SLC44A4: variants seen among roughly 807,000 people sequenced by gnomAD.
SLC44A4 encodes choline transporter-like protein 4.
A neutral mutation model predicts 97.0 loss-of-function variants in SLC44A4; 74 were observed. That is an observed-to-expected ratio of 0.76 (90% CI 0.63 to 0.93). The LOEUF (loss-of-function observed/expected upper bound fraction) is 0.93. Ranked by LOEUF, SLC44A4 falls within the 40% of genes least tolerant of loss-of-function variation. The pLI is 0.00. For missense variants in SLC44A4, 799 were observed against 902.9 expected (o/e 0.88, Z 1.48); for synonymous variants, 325 against 363.8 (o/e 0.89, Z 1.21).
rs114087269 is a variant in SLC44A4, at chr6:31,870,917, C to G, written c.832G>C (p.Glu278Gln). 1.9e-4 allele frequency: 308 copies of G among 1,613,084 alleles called. 1 individual carries two copies. In the East Asian group the frequency reaches 3.8e-3, roughly 20 times the overall value. ...TTGTCCCGCAGCACTCGGTACTCCT[C>G]CCAGCAGTAGTAGATGCCGTATGCC... ...VLAYGIYYCW[E>Q]EYRVLRDKGA... The change falls in exon 10 of 21, where the codon GAG (glutamate) becomes CAG (glutamine). Residue 278 changes from glutamate to glutamine, a missense_variant. Coordinates refer to ENST00000229729, the MANE Select transcript of SLC44A4 (RefSeq NM_025257.3).
At chr6:31,873,857 G>A (rs539401787) in intron 7 of SLC44A4, among the ~76,000 whole-genome samples, 4 of 152,058 alleles carry the variant, frequency 2.6e-5, no homozygotes, top group African/African-American at 9.6e-5. Context: ...GGTGGATCAC[G>A]AAGTTAGGAG....
At position 31,877,013 on chromosome 6, in the gene SLC44A4, G is replaced by A. The variant is rs562695529; in HGVS notation, c.89+21C>T. 12 of 1,604,012 alleles carry A rather than the reference G, an allele frequency of 7.5e-6. No homozygotes were observed. The highest frequency in any genetic ancestry group is 5.2e-5 in the Admixed American group (3 of 58,200). On this transcript the variant is annotated intron_variant, in intron 2 of 20. Transcript: ENST00000229729. This position sits in a 1 kb window ranked among gnomAD's most constrained non-coding sequence, Gnocchi z 6.5. Reference sequence around the variant, plus strand: ...GCACCCACCACCCCCGCCAGCCCCCGGAGCAGTGCCCAGAGCTCACCTGTT... The same window carrying A: ...GCACCCACCACCCCCGCCAGCCCCCAGAGCAGTGCCCAGAGCTCACCTGTT...
In SLC44A4 at chr6:31,876,144, A is replaced by T; in HGVS notation, c.90-15T>A. The T allele has an allele frequency of 6.2e-7, 1 of 1,608,756 alleles. No homozygotes were observed. The highest frequency in any genetic ancestry group is 8.5e-7 in the Non-Finnish European group (1 of 1,176,474). On this transcript the variant is annotated splice_polypyrimidine_tract_variant and intron_variant, in intron 2 of 20. Transcript: ENST00000229729. The surrounding 1 kb of genome is among the most constrained non-coding windows in gnomAD (Gnocchi z 4.8). ...CTGTGCAGCTTCTGAGAGAGAAACG[A>T]AACGGGAGGCTGAGCTAAGGAGACT... is the stretch of plus-strand genomic sequence containing the variant.
rs1762656245 is a variant in SLC44A4 at position 31,863,420 on chromosome 6, T to G, written c.*207A>C. The G allele has an allele frequency of 1.8e-6, 1 of 564,784 alleles. No homozygotes were observed. The highest frequency in any genetic ancestry group is 3.8e-5 in the East Asian group (1 of 26,428). The allele number at this position is 564,784 out of a possible 1,614,324, so 35.0% of individuals were successfully genotyped here. ...TTTGTATTTTTAATAGAGACGGAGG[T>G]TTCACCATGTTGGCCAGGCTGGTCT... On this transcript the variant is annotated 3_prime_UTR_variant, in exon 21 of 21. Transcript: ENST00000229729.
intron 4 of SLC44A4, 70 bp downstream of exon 4, chr6:31,875,782 T>C (rs567106831): frequency 7.3e-7 from 1 of 1,369,558 alleles, no homozygotes; most frequent in East Asian, 2.3e-5. Flanking sequence ...GGAGCCTGAG[T>C]TGGGGGGGTG....
At position 31,877,065 on chromosome 6, in the gene SLC44A4, C is replaced by T. The variant is rs770447960; in HGVS notation, c.58G>A (p.Asp20Asn). The T allele has an allele frequency of 9.3e-6, 15 of 1,610,290 alleles. No homozygotes were observed. The highest frequency in any genetic ancestry group is 3.4e-5 in the Admixed American group (2 of 59,600). Reference protein sequence around the residue: ...DEAYGKPVKYDPSFRGPIKNR... With the variant: ...DEAYGKPVKYNPSFRGPIKNR... ...TTGATGGGGCCTCGAAAGGAGGGGT[C>T]GTATTTGACTGGCTTCCCTGAGGGA... is the stretch of plus-strand genomic sequence containing the variant. Residue 20 changes from aspartate (D) to asparagine (N), a missense_variant, in exon 2 of 21, where the codon GAC becomes AAC. Asp to Asn is a conservative substitution (Grantham distance 23). Transcript: ENST00000229729. The surrounding 1 kb of genome is among the most constrained non-coding windows in gnomAD (Gnocchi z 6.5).
At chr6:31,864,605 G>A in intron 20 of SLC44A4, 47 bp downstream of exon 20, 1 of 1,553,130 alleles carries the variant, frequency 6.4e-7, no homozygotes. Context: ...TGCTTGAACG[G>A]CTCAGTACTT....
At chr6:31,873,720 G>A (rs532213737) in intron 7 of SLC44A4, among the ~76,000 whole-genome samples, 37 of 151,560 alleles carry the variant, frequency 2.4e-4, no homozygotes, top group East Asian at 9.8e-4. Flanking sequence ...ACCCAGCCAC[G>A]TTCACTTATA....
chr6:31,876,178 T>A lies in SLC44A4; in HGVS notation c.90-49A>T. 1 of 1,529,626 alleles carries A rather than the reference T, an allele frequency of 6.5e-7. No individual in the cohort carries two copies. Among genetic ancestry groups the A allele is most frequent in the Non-Finnish European group, 9.0e-7 (1 of 1,114,866 alleles). 94.8% of individuals were successfully genotyped at this position (1,529,626 alleles called of 1,614,324 possible). ...GCTGAGCTAAGGAGACTTGGGGAGG[T>A]AGGGCTTATGGTCTGGAGGGGTTAA... On this transcript the variant is annotated intron_variant, in intron 2 of 20. Transcript: ENST00000229729. The surrounding 1 kb of genome is among the most constrained non-coding windows in gnomAD (Gnocchi z 4.8).
rs186171769 is a variant in SLC44A4 at position 31,878,068 on chromosome 6, G to A, written c.40+873C>T. 2 of 152,084 alleles carry A rather than the reference G, an allele frequency of 1.3e-5. No individual in the cohort carries two copies. Among genetic ancestry groups the A allele is most frequent in the Non-Finnish European group, 2.9e-5 (2 of 68,032 alleles). 9.4% of individuals were successfully genotyped at this position (152,084 alleles called of 1,614,324 possible). On this transcript the variant is annotated intron_variant, in intron 1 of 20. Transcript: ENST00000229729. This position sits in a 1 kb window ranked among gnomAD's most constrained non-coding sequence, Gnocchi z 4.0. The stretch of plus-strand genomic sequence containing the variant: ...CCCCTTCAGACCAGAAGACCAGGGG[G>A]GCCTCCGCAGGTGAGTCCCCAGCCT...
At position 31,866,420 on chromosome 6, in the gene SLC44A4, C is replaced by T. The variant is rs4947332; in HGVS notation, c.1234-294G>A. Among the ~76,000 whole-genome samples the T allele has an allele frequency of 0.043, 6,597 of 152,186 alleles. 213 individuals carry two copies. Among genetic ancestry groups the T allele is most frequent in the African/African-American group, 0.089 (3,691 of 41,492 alleles). ...CTGCAACGTCTACCAAAACCCTTTCCGGCAAATTGAACAGGCTGGGTATTT... is the reference window on the plus strand; with the variant it reads ...CTGCAACGTCTACCAAAACCCTTTCTGGCAAATTGAACAGGCTGGGTATTT... On this transcript the variant is annotated intron_variant, in intron 13 of 20. Transcript: ENST00000229729.
At position 31,864,686 on chromosome 6, in the gene SLC44A4, G is replaced by T; in HGVS notation, c.1977C>A (p.Phe659Leu). Residue 659 changes from phenylalanine to leucine, a missense_variant, in exon 20 of 21, where the codon TTC (phenylalanine) becomes TTA (leucine). Phe to Leu is a conservative substitution (Grantham distance 22, BLOSUM62 0). Around this residue, in one of 3 missense-constraint regions of SLC44A4, gnomAD observed 379 missense variants for 438.3 expected, o/e 0.86. Transcript: ENST00000229729. ...YVIASGFFSV[F>L]GMCVDTLFLC... ...GGAAGAGCGTGTCCACACACATGCC[G>T]AAAACGCTGAAGAAGCCGCTGGCGA... 2 of 1,614,086 alleles carry T rather than the reference G, an allele frequency of 1.2e-6. No individual in the cohort carries two copies. Among genetic ancestry groups the T allele is most frequent in the Non-Finnish European group, 1.7e-6 (2 of 1,180,016 alleles).
Position 31,874,951 on chromosome 6 carries a change from C to A in SLC44A4, c.320G>T (p.Gly107Val), listed in dbSNP as rs1170001923. Residue 107 changes from glycine (G) to valine (V), a missense_variant, in exon 5 of 21, where the codon GGC becomes GTC. By Grantham distance (109) the Gly-to-Val change is moderately radical. Around this residue, in one of 3 missense-constraint regions of SLC44A4, gnomAD observed 409 missense variants for 434.1 expected, o/e 0.94. Coordinates refer to ENST00000229729, the MANE Select transcript of SLC44A4 (RefSeq NM_025257.3). This position sits in a 1 kb window ranked among gnomAD's most constrained non-coding sequence, Gnocchi z 4.8. Reference protein sequence around the residue: ...SSNIISVAENGLQCPTPQVCV... With the variant: ...SSNIISVAENVLQCPTPQVCV... ...GACCTGGGGTGTGGGGCACTGTAGG[C>A]CGTTCTCAGCAACTGAGATGATGTT... 1 of 1,613,618 alleles carries A rather than the reference C, an allele frequency of 6.2e-7. No homozygotes were observed. Among genetic ancestry groups the A allele is most frequent in the Non-Finnish European group, 8.5e-7 (1 of 1,180,020 alleles).
chr6:31,869,408 C>T, intron 12 of SLC44A4, 137 bp downstream of exon 12: 1 of 946,836 alleles, frequency 1.1e-6, no homozygotes, highest in Non-Finnish European at 1.6e-6. Context: ...TCTGTTCAGG[C>T]ACAGTGCTGG....
intron 18 of SLC44A4, 35 bp from the exon 19 acceptor site, chr6:31,864,945 C>T: frequency 6.2e-7 from 1 of 1,613,800 alleles, no homozygotes; most frequent in Non-Finnish European, 8.5e-7. Context: ...TGCTGCACCT[C>T]TGAGGCCACC....
chr6:31,868,194 T>C (rs1208005410), intron 13 of SLC44A4, among the ~76,000 whole-genome samples: 1 of 152,140 alleles, frequency 6.6e-6, no homozygotes, highest in Non-Finnish European at 1.5e-5. Context: ...GGTGAAGATA[T>C]GACAGGTTTG....
Position 31,874,313 on chromosome 6 carries a change from CAA to C in SLC44A4, c.529+145_529+146del. Reference sequence around the variant, plus strand: ...ATGGTCTGACTGCAAGGCCACATAACAAAGAGCAAAATGAAGACCTGATGCTA... The same window carrying C: ...ATGGTCTGACTGCAAGGCCACATAACAGAGCAAAATGAAGACCTGATGCTA... On this transcript the variant is annotated intron_variant, in intron 7 of 20. Transcript: ENST00000229729. This position sits in a 1 kb window ranked among gnomAD's most constrained non-coding sequence, Gnocchi z 4.8. 1.2e-6 allele frequency: 1 copy of C among 853,284 alleles called. No individual in the cohort carries two copies. Among genetic ancestry groups the C allele is most frequent in the Admixed American group, 2.0e-5 (1 of 49,196 alleles). The allele number at this position is 853,284 out of a possible 1,614,324, so 52.9% of individuals were successfully genotyped here. A position where few individuals can be genotyped will look rare whatever the true frequency, so the allele number is the denominator to read the frequency against.
At position 31,876,949 on chromosome 6, in the gene SLC44A4, T is replaced by C; in HGVS notation, c.89+85A>G. ...CTCTTTTTCACAAGTTTCCTACTAATATTTTAGCAAATACAAAGCAAATAC... is the reference window on the plus strand; with the variant it reads ...CTCTTTTTCACAAGTTTCCTACTAACATTTTAGCAAATACAAAGCAAATAC... On this transcript the variant is annotated intron_variant, in intron 2 of 20. Coordinates refer to ENST00000229729, the MANE Select transcript of SLC44A4 (RefSeq NM_025257.3). The surrounding 1 kb of genome is among the most constrained non-coding windows in gnomAD (Gnocchi z 4.8). The C allele has an allele frequency of 7.4e-7, 1 of 1,352,460 alleles. No homozygotes were observed. Among genetic ancestry groups the C allele is most frequent in the Non-Finnish European group, 1.0e-6 (1 of 983,216 alleles). The allele number at this position is 1,352,460 out of a possible 1,614,324, so 83.8% of individuals were successfully genotyped here.
chr6:31,870,887 C>A lies in SLC44A4; in HGVS notation c.862G>T (p.Ala288Ser), dbSNP rs763411450. 6.2e-7 allele frequency: 1 copy of A among 1,613,036 alleles called. No individual in the cohort carries two copies. The highest frequency in any genetic ancestry group is 1.7e-5 in the Admixed American group (1 of 60,022). ...GTGAAACCCAGCTGGGAGATGGAGG[C>A]GCCCTTGTCCCGCAGCACTCGGTAC... ...EEYRVLRDKG[A>S]SISQLGFTTN... The change falls in exon 10 of 21, where the codon GCC becomes TCC. Residue 288 changes from alanine to serine, a missense_variant. Ala to Ser is a moderately conservative substitution (Grantham distance 99, BLOSUM62 1). Coordinates refer to ENST00000229729, the MANE Select transcript of SLC44A4 (RefSeq NM_025257.3).
Sources: allele counts gnomAD v4.1 joint callset (sites outside exome capture counted in the v4.1 genomes callset), GRCh38; gene constraint gnomAD v4.1.1; regional missense constraint gnomAD v4.1.1; non-coding constraint Gnocchi (gnomAD v3.1); transcripts MANE v1.5; gene names NCBI Gene and HGNC (gene_info 2026-07-23, HGNC 2026-07-21).